MRE11: variants seen among roughly 807,000 people sequenced by gnomAD.
MRE11 encodes the protein MRE11 double strand break repair nuclease, also known as double-strand break repair protein MRE11.
A neutral mutation model predicts 91.7 loss-of-function variants in MRE11; 62 were observed. The ratio of observed to expected loss-of-function variants is 0.68; its 90% CI spans 0.55 to 0.84. MRE11 has a LOEUF of 0.84. Among genes scored for constraint, MRE11 ranks in the 40% least tolerant of loss-of-function variants. The pLI is 0.00. For synonymous variants in MRE11, 273 were observed against 271.4 expected, an observed-to-expected ratio of 1.01 and a Z score of -0.06; for missense variants, 796 against 852.9, an observed-to-expected ratio of 0.93 and a Z score of 0.83.
chr11:94,505,477 A>G, the MRE11 span, among the ~76,000 whole-genome samples: 3 of 152,174 alleles, frequency 2.0e-5, no homozygotes, highest in African/African-American at 7.2e-5. Context: ...TTGAAAATAC[A>G]AAAAAAGCTC....
chr11:94,464,081 AT>A lies in MRE11; in HGVS notation c.1225+31del, dbSNP rs770703449. The A allele has an allele frequency of 2.5e-6, 4 of 1,602,582 alleles. No individual in the cohort carries two copies. In the Admixed American group the frequency reaches 6.7e-5, roughly 27 times the overall value. ...ATTCCTTCACAAATCCTATAAGAAC[AT>A]TTTTTTACCTCATAAAAATAACTAG... On this transcript the variant is annotated intron_variant, in intron 11 of 19. Transcript: ENST00000323929.
chr11:94,443,824 A>G lies in MRE11; in HGVS notation c.1867+1986T>C, dbSNP rs573342905. Among the ~76,000 whole-genome samples the G allele has an allele frequency of 1.2e-4, 18 of 152,178 alleles. No individual in the cohort carries two copies. In the South Asian group the frequency reaches 3.1e-3, roughly 26 times the overall value. The stretch of plus-strand genomic sequence containing the variant: ...CTTTGGGACTAAACAGATCAAATCT[A>G]TTCATTCCACATTTTACACGATAGA... On this transcript the variant is annotated intron_variant, in intron 16 of 19. Transcript: ENST00000323929.
chr11:94,467,345 C>T (rs997534239), intron 10 of MRE11, among the ~76,000 whole-genome samples: 6 of 151,160 alleles, frequency 4.0e-5, no homozygotes, highest in African/African-American at 9.8e-5. Context: ...GGATGTGTTA[C>T]GGGGAAAAAA....
Position 94,460,990 on chromosome 11 carries a change from T to C in MRE11, c.1272A>G (p.Gly424=). 1 of 1,613,828 alleles carries C rather than the reference T, an allele frequency of 6.2e-7. No homozygotes were observed. The highest frequency in any genetic ancestry group is 8.5e-7 in the Non-Finnish European group (1 of 1,179,972). The change falls in exon 12 of 20, where the codon GGA becomes GGG. Residue 424 remains glycine (G), a synonymous_variant. Coordinates refer to ENST00000323929, the MANE Select transcript of MRE11 (RefSeq NM_005591.4). The stretch of plus-strand genomic sequence containing the variant: ...CAAGATCTTCTACCCTTAAAGTTGT[T>C]CCTTCTGAAGGCTTTGTGATAAGTT... ...FGKLITKPSE[G]TTLRVEDLVK...
chr11:94,452,066 C>T (rs1420088757), intron 14 of MRE11, among the ~76,000 whole-genome samples: 1 of 151,890 alleles, frequency 6.6e-6, no homozygotes, highest in East Asian at 1.9e-4. Flanking sequence ...ATTAGCTGGG[C>T]ATGGTAGCGC....
intron 5 of MRE11, 76 bp downstream of exon 5, chr11:94,479,598 G>A: frequency 2.4e-6 from 3 of 1,260,062 alleles, no homozygotes; most frequent in East Asian, 4.7e-5. Context: ...GAGAAAAAGG[G>A]AAGGCATGCT....
intron 16 of MRE11, among the ~76,000 whole-genome samples, chr11:94,445,413 G>T (rs971978961): frequency 1.3e-5 from 2 of 152,088 alleles, no homozygotes; most frequent in Non-Finnish European, 2.9e-5. Context: ...GGGTTCAAGT[G>T]ATTCTCCTGC....
chr11:94,453,503 C>G (rs1946168602), intron 14 of MRE11, among the ~76,000 whole-genome samples: 1 of 152,138 alleles, frequency 6.6e-6, no homozygotes, highest in Non-Finnish European at 1.5e-5. Flanking sequence ...GTTTTAATAA[C>G]AGCCATCCTA....
upstream of MRE11, among the ~76,000 whole-genome samples, chr11:94,494,520 T>C (rs1169178848): frequency 6.6e-6 from 1 of 152,186 alleles, no homozygotes; most frequent in African/African-American, 2.4e-5. Context: ...CGCCTATCAC[T>C]GAGTTGTTTG....
At chr11:94,493,302 A>G (rs1947341853) in intron 1 of MRE11, among the ~76,000 whole-genome samples, 1 of 152,180 alleles carries the variant, frequency 6.6e-6, no homozygotes, top group Non-Finnish European at 1.5e-5. Flanking sequence ...TGTATTTCCT[A>G]TTCAAACCCC....
intron 2 of MRE11, 50 bp downstream of exon 2, chr11:94,492,732 G>A (rs759118518): frequency 2.5e-6 from 4 of 1,610,124 alleles, no homozygotes; most frequent in Middle Eastern, 1.6e-4. Flanking sequence ...CACAGTTGAC[G>A]AGCTTTAGAA....
At chr11:94,479,427 T>C (rs1352392753) in intron 5 of MRE11, among the ~76,000 whole-genome samples, 1 of 152,212 alleles carries the variant, frequency 6.6e-6, no homozygotes, top group Non-Finnish European at 1.5e-5. Context: ...TGTTCACTCC[T>C]ACTCCTGGCT....
At chr11:94,501,558 G>A in the MRE11 span, among the ~76,000 whole-genome samples, 2 of 151,912 alleles carry the variant, frequency 1.3e-5, no homozygotes, top group Admixed American at 6.6e-5. Flanking sequence ...AAAATACAGG[G>A]TGTATTTTAC....
intron 4 of MRE11, among the ~76,000 whole-genome samples, chr11:94,481,164 C>A (rs1351421525): frequency 6.6e-6 from 1 of 152,028 alleles, no homozygotes; most frequent in Non-Finnish European, 1.5e-5. Context: ...CAAAAATTAG[C>A]CGTGCATGGT....
In MRE11 at chr11:94,464,115, G is replaced by C. The variant is rs1565223648; in HGVS notation, c.1223C>G (p.Thr408Arg). 1 of 1,612,816 alleles carries C rather than the reference G, an allele frequency of 6.2e-7. No individual in the cohort carries two copies. The highest frequency in any genetic ancestry group is 8.5e-7 in the Non-Finnish European group (1 of 1,179,578). Residue 408 changes from threonine (T) to arginine (R), a missense_variant and splice_region_variant, in exon 11 of 20, where the codon ACA becomes AGA. Coordinates refer to ENST00000323929, the MANE Select transcript of MRE11 (RefSeq NM_005591.4). The stretch of plus-strand genomic sequence containing the variant: ...CCTCATAAAAATAACTAGCTTACCT[G>C]TTTTTTCCTTTTGTTCTCTATGCCT... Reference protein sequence around the residue: ...FFRHREQKEKTGEEINFGKLI... With the variant: ...FFRHREQKEKRGEEINFGKLI...
chr11:94,498,773 G>C, upstream of MRE11: 1 of 498,610 alleles, frequency 2.0e-6, no homozygotes, highest in South Asian at 2.6e-5. Context: ...TTTAATGTGT[G>C]TATACTTAAA....
chr11:94,431,501 A>G (rs867640143), intron 18 of MRE11, among the ~76,000 whole-genome samples: 1 of 152,182 alleles, frequency 6.6e-6, no homozygotes, highest in African/African-American at 2.4e-5. Context: ...TGCCTCTAAA[A>G]TGTTAAACAG....
Position 94,418,032 on chromosome 11 carries a change from G to A in MRE11, c.*2093C>T, listed in dbSNP as rs1945072200. The A allele has an allele frequency of 4.3e-6, 1 of 232,868 alleles. No homozygotes were observed. Among genetic ancestry groups the A allele is most frequent in the Non-Finnish European group, 8.5e-6 (1 of 117,974 alleles). The allele number at this position is 232,868 out of a possible 1,614,324, so 14.4% of individuals were successfully genotyped here. A position where few individuals can be genotyped will look rare whatever the true frequency, so the allele number is the denominator to read the frequency against. On this transcript the variant is annotated 3_prime_UTR_variant, in exon 20 of 20. Transcript: ENST00000323929. ...TCCTGCTCTCCCAAAGCCTCCAAGA[G>A]CAAATGCAGCTGCTTTCAAATCATC...
chr11:94,423,636 C>A (rs951443137), intron 19 of MRE11, among the ~76,000 whole-genome samples: 1 of 152,230 alleles, frequency 6.6e-6, no homozygotes, highest in Non-Finnish European at 1.5e-5. Flanking sequence ...AGCTGCCCTG[C>A]AGGAATGTGT....
Sources: allele counts gnomAD v4.1 joint callset (sites outside exome capture counted in the v4.1 genomes callset), GRCh38; gene constraint gnomAD v4.1.1; transcripts MANE v1.5; gene names NCBI Gene and HGNC (gene_info 2026-07-23, HGNC 2026-07-21).